SMOC1: variants seen among roughly 807,000 people sequenced by gnomAD.
SMOC1 encodes the protein SPARC-related modular calcium-binding protein 1.
Under a neutral mutation model 56.3 loss-of-function variants are expected in SMOC1, and 22 were observed. The observed-to-expected ratio is 0.39, with a 90% CI of 0.28 to 0.56. The LOEUF (loss-of-function observed/expected upper bound fraction) is 0.56, where lower values mean the gene tolerates loss of function less well. Among genes scored for constraint, SMOC1 ranks in the 20% least tolerant of loss-of-function variants. The pLI is 0.61. For missense variants in SMOC1, 509 were observed against 565.4 expected, an observed-to-expected ratio of 0.90 and a Z score of 1.01; for synonymous variants, 193 against 215.0, an observed-to-expected ratio of 0.90 and a Z score of 0.89.
At chr14:70,030,201 C>A (rs760326998) in intron 11 of SMOC1, 41 bp from the exon 12 acceptor site, 2 of 1,573,796 alleles carry the variant, frequency 1.3e-6, no homozygotes, top group Admixed American at 3.7e-5. Context: ...CTGCCCCCGA[C>A]CTTTTTTTTT....
intron 1 of SMOC1, among the ~76,000 whole-genome samples, chr14:69,942,133 T>C (rs962770250): frequency 1.3e-5 from 2 of 152,168 alleles, no homozygotes; most frequent in African/African-American, 4.8e-5. Flanking sequence ...ATCTGTTTGT[T>C]TGTGACTTAG....
At chr14:69,969,763 C>A (rs1883694848) in intron 3 of SMOC1, among the ~76,000 whole-genome samples, 1 of 152,200 alleles carries the variant, frequency 6.6e-6, no homozygotes, top group African/African-American at 2.4e-5. Flanking sequence ...AGGAGAAGTT[C>A]TGCAGTAAAG....
At chr14:69,938,320 T>G (rs1156566218) in intron 1 of SMOC1, among the ~76,000 whole-genome samples, 3 of 152,160 alleles carry the variant, frequency 2.0e-5, no homozygotes, top group Non-Finnish European at 4.4e-5. Flanking sequence ...TGGGCTATGT[T>G]GAGGCTGTTT....
At chr14:69,994,517 C>G (rs1288911607) in intron 7 of SMOC1, 37 bp downstream of exon 7, 1 of 1,520,360 alleles carries the variant, frequency 6.6e-7, no homozygotes, top group African/African-American at 1.4e-5. Flanking sequence ...TGTACCCAGT[C>G]CATCCTTCCT....
intron 7 of SMOC1, among the ~76,000 whole-genome samples, chr14:70,007,740 A>C (rs1397913255): frequency 6.6e-6 from 1 of 152,244 alleles, no homozygotes; most frequent in Non-Finnish European, 1.5e-5. Context: ...CCTTGTCTAC[A>C]AAATGGGCGT....
chr14:69,919,705 G>A (rs531887310), intron 1 of SMOC1, among the ~76,000 whole-genome samples: 98 of 152,316 alleles, frequency 6.4e-4, no homozygotes, highest in African/African-American at 1.9e-3. Flanking sequence ...AGTTGGGTGG[G>A]CCTAAGATCT....
At chr14:69,968,628 A>G (rs1883653953) in intron 3 of SMOC1, among the ~76,000 whole-genome samples, 1 of 152,250 alleles carries the variant, frequency 6.6e-6, no homozygotes, top group African/African-American at 2.4e-5. Context: ...GCATTAGCTT[A>G]ATCCAAAAAC....
chr14:70,029,508 A>G (rs79488378), intron 11 of SMOC1, among the ~76,000 whole-genome samples: 1,636 of 152,296 alleles, frequency 0.011, 29 homozygotes, highest in African/African-American at 0.038. Flanking sequence ...CACCTGAGCC[A>G]TAGACACTCA....
intron 11 of SMOC1, among the ~76,000 whole-genome samples, chr14:70,023,829 A>ATGTATG (rs1555365152): frequency 6.9e-6 from 1 of 144,944 alleles, no homozygotes; most frequent in Non-Finnish European, 1.5e-5. Flanking sequence ...GAGTGTGTGT[A>ATGTATG]TGTGTGTGTG....
chr14:70,007,056 A>G (rs919690990), intron 7 of SMOC1, among the ~76,000 whole-genome samples: 1 of 152,238 alleles, frequency 6.6e-6, no homozygotes, highest in African/African-American at 2.4e-5. Flanking sequence ...GAGATGACCT[A>G]TAGTGAGTAA....
chr14:69,975,735 T>C lies in SMOC1; in HGVS notation c.399T>C (p.Thr133=). 2 of 1,612,968 alleles carry C rather than the reference T, an allele frequency of 1.2e-6. No homozygotes were observed. Among genetic ancestry groups the C allele is most frequent in the Admixed American group, 1.7e-5 (1 of 60,034 alleles). Residue 133 remains threonine (T), a synonymous_variant, in exon 4 of 12, where the codon ACT becomes ACC. Transcript: ENST00000361956. ...SFTQVQCHTY[T]GYCWCVTPDG... is the part of the protein sequence containing the mutation. ...AACAGGTGCAGTGCCATACTTACAC[T>C]GGGTACTGCTGGTGTGTCACCCCGG...
At chr14:70,021,076 T>C (rs1174711835) in intron 10 of SMOC1, among the ~76,000 whole-genome samples, 2 of 152,150 alleles carry the variant, frequency 1.3e-5, no homozygotes, top group Non-Finnish European at 2.9e-5. Flanking sequence ...ATACTGAGCC[T>C]AAAGGTTAAA....
chr14:69,927,632 C>T (rs1023184067), intron 1 of SMOC1, among the ~76,000 whole-genome samples: 6 of 152,072 alleles, frequency 3.9e-5, no homozygotes, highest in African/African-American at 9.7e-5. Context: ...GCCAAGATTG[C>T]GCCACTGCAC....
intron 5 of SMOC1, among the ~76,000 whole-genome samples, chr14:69,979,000 C>T (rs1475445122): frequency 6.6e-6 from 1 of 151,876 alleles, no homozygotes; most frequent in East Asian, 1.9e-4. Context: ...TGCATTTCAT[C>T]TCGTGTGCAG....
At chr14:70,016,016 C>A (rs910080331) in intron 10 of SMOC1, among the ~76,000 whole-genome samples, 7 of 152,204 alleles carry the variant, frequency 4.6e-5, no homozygotes, top group African/African-American at 1.7e-4. Flanking sequence ...AGGCTCCTGG[C>A]ACTGCCCCCC....
intron 6 of SMOC1, 135 bp from the exon 7 acceptor site, chr14:69,994,265 G>A: frequency 2.6e-6 from 2 of 783,986 alleles, no homozygotes; most frequent in South Asian, 2.7e-5. Flanking sequence ...GAACTGGGAG[G>A]AGTGGATGTG....
chr14:69,888,960 T>C (rs777032461), intron 1 of SMOC1, among the ~76,000 whole-genome samples: 1 of 152,192 alleles, frequency 6.6e-6, no homozygotes, highest in Admixed American at 6.5e-5. Flanking sequence ...AAAACGATGA[T>C]GCCAGTGACT....
chr14:69,880,452 T>C (rs1020807783), intron 1 of SMOC1, among the ~76,000 whole-genome samples: 7 of 152,274 alleles, frequency 4.6e-5, no homozygotes, highest in African/African-American at 1.7e-4. Context: ...CTTGGTCTGA[T>C]TGGAGTTTCT....
At chr14:69,893,252 A>G (rs1316131117) in intron 1 of SMOC1, among the ~76,000 whole-genome samples, 2 of 152,228 alleles carry the variant, frequency 1.3e-5, no homozygotes, top group Non-Finnish European at 2.9e-5. Context: ...GTTAGCACCC[A>G]TTGATGATCA....
Sources: gnomAD v4.1 joint callset for allele counts (sites outside exome capture counted in the v4.1 genomes callset) on GRCh38, gnomAD v4.1.1 for gene constraint, MANE v1.5 for transcripts, NCBI Gene and HGNC (gene_info 2026-07-23, HGNC 2026-07-21) for gene names.